The following LYPLAL1 variants were observed in gnomAD, a reference collection of about 807,000 sequenced individuals.
LYPLAL1 encodes the protein lysophospholipase like 1.
In LYPLAL1, 23 loss-of-function variants were observed where a neutral mutation model predicts 19.7. That is an observed-to-expected ratio of 1.17 (90% CI 0.84 to 1.65). The LOEUF (loss-of-function observed/expected upper bound fraction) is 1.65, where lower values mean the gene tolerates loss of function less well. LYPLAL1 is among the 40% of genes most tolerant of loss of function. LYPLAL1 has a pLI of 0.00. For missense variants in LYPLAL1, 355 were observed against 279.4 expected, an observed-to-expected ratio of 1.27 and a Z score of -1.93; for synonymous variants, 119 against 96.3, an observed-to-expected ratio of 1.24 and a Z score of -1.38.
At chr1:219,228,966 A>T in the LYPLAL1 span, among the ~76,000 whole-genome samples, 16 of 152,160 alleles carry the variant, frequency 1.1e-4, no homozygotes, top group African/African-American at 3.1e-4. Flanking sequence ...GACGTGAACC[A>T]CTGCGTCTGG....
chr1:219,291,443 A>G, the LYPLAL1 span, among the ~76,000 whole-genome samples: 3 of 152,188 alleles, frequency 2.0e-5, no homozygotes, highest in Non-Finnish European at 4.4e-5. Context: ...TCTTCTCTAC[A>G]ATCTACTGTC....
chr1:219,401,358 A>G, the LYPLAL1 span, among the ~76,000 whole-genome samples: 4 of 95,210 alleles, frequency 4.2e-5, 1 homozygote, highest in Non-Finnish European at 7.3e-5. Flanking sequence ...TTTAATTGCC[A>G]CTTAACCCTG....
chr1:219,289,028 T>A, the LYPLAL1 span, among the ~76,000 whole-genome samples: 1 of 151,952 alleles, frequency 6.6e-6, no homozygotes. Context: ...GCTCCTTTCC[T>A]TCTAGGGAGG....
At chr1:219,358,642 A>T in the LYPLAL1 span, among the ~76,000 whole-genome samples, 1 of 152,066 alleles carries the variant, frequency 6.6e-6, no homozygotes, top group East Asian at 1.9e-4. Context: ...AACCCATCAG[A>T]TCTCATGAGA....
At chr1:219,343,795 C>T in the LYPLAL1 span, among the ~76,000 whole-genome samples, 11 of 152,262 alleles carry the variant, frequency 7.2e-5, no homozygotes, top group African/African-American at 1.4e-4. Context: ...CTCACCTTCT[C>T]TTTATAGAGC....
chr1:219,195,535 G>A lies in LYPLAL1; in HGVS notation c.361+2284G>A, dbSNP rs572924827. Among the ~76,000 whole-genome samples the A allele has an allele frequency of 7.2e-5, 11 of 152,172 alleles. No individual in the cohort carries two copies. In the South Asian group the frequency reaches 1.7e-3, roughly 23 times the overall value. ...GAGTTTATCACACTGAATGGTAACTGCTGTCCATTTGTCTCTTGCCCCATC... is the reference window on the plus strand; with the variant it reads ...GAGTTTATCACACTGAATGGTAACTACTGTCCATTTGTCTCTTGCCCCATC... On this transcript the variant is annotated intron_variant, in intron 3 of 4. Transcript: ENST00000366928.
chr1:219,421,854 G>T, the LYPLAL1 span, among the ~76,000 whole-genome samples: 3 of 152,216 alleles, frequency 2.0e-5, no homozygotes, highest in East Asian at 5.8e-4. Flanking sequence ...AAAACCTTAC[G>T]AAGTTAAAGG....
the LYPLAL1 span, among the ~76,000 whole-genome samples, chr1:219,399,425 G>T: frequency 6.6e-6 from 1 of 152,190 alleles, no homozygotes; most frequent in Non-Finnish European, 1.5e-5. Flanking sequence ...CAGTTGCCAG[G>T]ATAAGGGGGA....
chr1:219,397,226 G>T, the LYPLAL1 span, among the ~76,000 whole-genome samples: 1 of 152,244 alleles, frequency 6.6e-6, no homozygotes, highest in East Asian at 1.9e-4. Flanking sequence ...TTATTGATTT[G>T]CATAGGTTGA....
At chr1:219,357,025 A>T in the LYPLAL1 span, among the ~76,000 whole-genome samples, 3 of 152,242 alleles carry the variant, frequency 2.0e-5, no homozygotes, top group Non-Finnish European at 4.4e-5. Context: ...CAACTGTGGC[A>T]CATAAAGTTT....
At chr1:219,233,411 A>T in the LYPLAL1 span, among the ~76,000 whole-genome samples, 1 of 152,180 alleles carries the variant, frequency 6.6e-6, no homozygotes, top group Non-Finnish European at 1.5e-5. Flanking sequence ...AGCTCTGGAG[A>T]TTGTTTGCAC....
At chr1:219,345,671 C>T in the LYPLAL1 span, among the ~76,000 whole-genome samples, 1 of 152,124 alleles carries the variant, frequency 6.6e-6, no homozygotes, top group Non-Finnish European at 1.5e-5. Context: ...AGGTGGAGAG[C>T]AATCCCATCC....
chr1:219,441,658 A>T, the LYPLAL1 span, among the ~76,000 whole-genome samples: 4 of 152,226 alleles, frequency 2.6e-5, no homozygotes, highest in African/African-American at 9.6e-5. Flanking sequence ...TCTCAGAAAC[A>T]CTTTCGTAAG....
At chr1:219,419,100 AGCT>A in the LYPLAL1 span, among the ~76,000 whole-genome samples, 1 of 152,218 alleles carries the variant, frequency 6.6e-6, no homozygotes, top group Non-Finnish European at 1.5e-5. Flanking sequence ...TTATAATTGA[AGCT>A]GCTGTGAACA....
chr1:219,268,480 A>C, the LYPLAL1 span, among the ~76,000 whole-genome samples: 2 of 152,226 alleles, frequency 1.3e-5, no homozygotes, highest in Non-Finnish European at 2.9e-5. Flanking sequence ...TGGAGAAAGA[A>C]GTGAAAGCTA....
chr1:219,292,206 C>T, the LYPLAL1 span, among the ~76,000 whole-genome samples: 1 of 152,150 alleles, frequency 6.6e-6, no homozygotes, highest in Admixed American at 6.6e-5. Flanking sequence ...TCCCTGCTGA[C>T]CCCCTTCACC....
the LYPLAL1 span, among the ~76,000 whole-genome samples, chr1:219,349,950 G>A: frequency 6.6e-6 from 1 of 152,128 alleles, no homozygotes. Flanking sequence ...CTAGCAATTG[G>A]ATTTTCTTGG....
the LYPLAL1 span, among the ~76,000 whole-genome samples, chr1:219,357,691 G>C: frequency 6.6e-5 from 10 of 152,134 alleles, no homozygotes; most frequent in African/African-American, 2.2e-4. Flanking sequence ...CAATCATATT[G>C]GTAGGTATTT....
rs1322105492 is a variant in LYPLAL1 at position 219,212,734 on chromosome 1, T to C, written c.*1006T>C. On this transcript the variant is annotated 3_prime_UTR_variant, in exon 5 of 5. Transcript: ENST00000366928. ...CCATGTTGTGTACATCAATAGTTCA[T>C]CTATTTTATTGCTCAGTAATATTCC... 2.6e-5 allele frequency: 4 copies of C among 152,096 alleles called. No homozygotes were observed. Among genetic ancestry groups the C allele is most frequent in the Non-Finnish European group, 5.9e-5 (4 of 67,956 alleles). 9.4% of individuals were successfully genotyped at this position (152,096 alleles called of 1,614,324 possible).
Sources: allele counts gnomAD v4.1 joint callset (sites outside exome capture counted in the v4.1 genomes callset), GRCh38; gene constraint gnomAD v4.1.1; transcripts MANE v1.5; gene names NCBI Gene and HGNC (gene_info 2026-07-23, HGNC 2026-07-21).